ZFAND3: variants seen among roughly 807,000 people sequenced by gnomAD.
The protein encoded by ZFAND3 is zinc finger AN1-type containing 3.
A neutral mutation model predicts 29.6 loss-of-function variants in ZFAND3; 10 were observed. The observed-to-expected ratio is 0.34, with a 90% CI of 0.21 to 0.57. ZFAND3 has a LOEUF of 0.57. Ranked by LOEUF, ZFAND3 falls within the 20% of genes least tolerant of loss-of-function variation. The probability of loss-of-function intolerance (pLI) is 0.86; values close to 1 mark genes in which losing one functional copy is unlikely to be tolerated. For synonymous variants in ZFAND3, 128 were observed against 112.6 expected (o/e 1.14, Z -0.87); for missense variants, 230 against 304.5 (o/e 0.76, Z 1.82).
intron 1 of ZFAND3, among the ~76,000 whole-genome samples, chr6:37,840,874 A>G (rs1764060562): frequency 6.6e-6 from 1 of 152,260 alleles, no homozygotes; most frequent in Non-Finnish European, 1.5e-5. Context: ...CAAACAGAAA[A>G]GAGAACATTT....
chr6:38,122,171 A>G (rs1052688261), intron 5 of ZFAND3, among the ~76,000 whole-genome samples: 4 of 152,196 alleles, frequency 2.6e-5, no homozygotes, highest in Non-Finnish European at 5.9e-5. Context: ...AATCGGCTCC[A>G]GAGCCTCCCA....
chr6:38,132,600 C>G (rs1382095477), intron 5 of ZFAND3, among the ~76,000 whole-genome samples: 1 of 152,178 alleles, frequency 6.6e-6, no homozygotes. Context: ...ACTTGCGATT[C>G]CTTGACATAT....
At chr6:37,844,732 C>T (rs76126559) in intron 1 of ZFAND3, among the ~76,000 whole-genome samples, 301 of 149,628 alleles carry the variant, frequency 2.0e-3, no homozygotes, top group African/African-American at 3.9e-3. Flanking sequence ...AAGCAATTAT[C>T]GGCTGGGCGC....
chr6:37,879,733 G>T (rs941110011), intron 1 of ZFAND3, among the ~76,000 whole-genome samples: 1 of 152,158 alleles, frequency 6.6e-6, no homozygotes, highest in African/African-American at 2.4e-5. Context: ...TATCCTGCCT[G>T]TTATAGAACT....
chr6:37,925,156 A>C (rs993024132), intron 1 of ZFAND3, among the ~76,000 whole-genome samples: 2 of 152,176 alleles, frequency 1.3e-5, no homozygotes, highest in African/African-American at 4.8e-5. Context: ...GTTAAGCAAG[A>C]AAATAACACG....
chr6:38,014,390 G>C (rs539252032), intron 2 of ZFAND3, among the ~76,000 whole-genome samples: 7 of 151,836 alleles, frequency 4.6e-5, no homozygotes, highest in African/African-American at 1.7e-4. Flanking sequence ...GCCGTGGCGC[G>C]ATCTTGGCTC....
chr6:38,068,930 A>G lies in ZFAND3; in HGVS notation c.295+7155A>G, dbSNP rs139640384. On this transcript the variant is annotated intron_variant, in intron 3 of 5. Coordinates refer to ENST00000287218, the MANE Select transcript of ZFAND3 (RefSeq NM_021943.3). ...TTTCCTTGGAAACTGGTTTCTGGTG[A>G]TATCGTAGCTCCCTCAGGGATATTT... is the stretch of plus-strand genomic sequence containing the variant. 3.9e-3 allele frequency among the ~76,000 whole-genome samples: 596 copies of G among 152,300 alleles called. 5 individuals are homozygous for G. Among genetic ancestry groups the G allele is most frequent in the African/African-American group, 0.014 (576 of 41,564 alleles).
intron 2 of ZFAND3, among the ~76,000 whole-genome samples, chr6:38,045,036 C>A (rs1399961835): frequency 6.7e-6 from 1 of 149,898 alleles, no homozygotes; most frequent in Non-Finnish European, 1.5e-5. Flanking sequence ...TAGCTGTCAT[C>A]TCCCCATGTG....
chr6:37,873,814 A>G (rs1487968800), intron 1 of ZFAND3, among the ~76,000 whole-genome samples: 2 of 152,244 alleles, frequency 1.3e-5, no homozygotes, highest in East Asian at 3.8e-4. Context: ...CTACATTGTG[A>G]ACACAAAAGC....
At chr6:37,889,423 C>G (rs1765055480) in intron 1 of ZFAND3, among the ~76,000 whole-genome samples, 1 of 152,154 alleles carries the variant, frequency 6.6e-6, no homozygotes, top group South Asian at 2.1e-4. Context: ...TGATTTCTCC[C>G]CTGGCACTGT....
At chr6:38,024,618 G>A (rs1327141396) in intron 2 of ZFAND3, among the ~76,000 whole-genome samples, 1 of 152,168 alleles carries the variant, frequency 6.6e-6, no homozygotes, top group Non-Finnish European at 1.5e-5. Flanking sequence ...ATATTACTCT[G>A]CCATGAAAAG....
chr6:38,114,587 T>C (rs569198366), intron 4 of ZFAND3, among the ~76,000 whole-genome samples: 3 of 152,360 alleles, frequency 2.0e-5, no homozygotes, highest in Non-Finnish European at 4.4e-5. Flanking sequence ...TTGCTAAGAA[T>C]GGTGCAGGGC....
intron 1 of ZFAND3, among the ~76,000 whole-genome samples, chr6:37,821,130 T>G (rs1392354408): frequency 6.6e-6 from 1 of 152,254 alleles, no homozygotes; most frequent in African/African-American, 2.4e-5. Flanking sequence ...GGAAGTAGTT[T>G]TCCCTTTGCT....
intron 1 of ZFAND3, among the ~76,000 whole-genome samples, chr6:37,925,952 G>C (rs1761477220): frequency 6.6e-6 from 1 of 152,188 alleles, no homozygotes; most frequent in Non-Finnish European, 1.5e-5. Context: ...TATAGATACA[G>C]TATTTTAAAA....
intron 2 of ZFAND3, among the ~76,000 whole-genome samples, chr6:38,031,477 A>C (rs1376373363): frequency 1.7e-4 from 26 of 152,294 alleles, no homozygotes; most frequent in Non-Finnish European, 7.4e-5. Flanking sequence ...TAGCATGTTC[A>C]GTCCTGTCCT....
chr6:37,850,036 G>GTT (rs1764254333), intron 1 of ZFAND3, among the ~76,000 whole-genome samples: 1 of 152,204 alleles, frequency 6.6e-6, no homozygotes, highest in Non-Finnish European at 1.5e-5. Context: ...TCAACAGCAA[G>GTT]TTGAGCAGTG....
intron 2 of ZFAND3, among the ~76,000 whole-genome samples, chr6:37,999,506 C>T (rs1341638931): frequency 6.6e-6 from 1 of 152,164 alleles, no homozygotes; most frequent in Non-Finnish European, 1.5e-5. Flanking sequence ...TCAAGATTAA[C>T]ATCAGCAGTG....
intron 1 of ZFAND3, among the ~76,000 whole-genome samples, chr6:37,844,989 A>C (rs1242075522): frequency 1.3e-5 from 2 of 149,138 alleles, no homozygotes; most frequent in South Asian, 4.2e-4. Flanking sequence ...ACGCTACTGC[A>C]CTCCAGCCTG....
chr6:37,899,991 A>T (rs752606720), intron 1 of ZFAND3, among the ~76,000 whole-genome samples: 6 of 152,174 alleles, frequency 3.9e-5, no homozygotes, highest in Non-Finnish European at 5.9e-5. Flanking sequence ...ATAACAGTGT[A>T]TGTAGAATTA....
Sources: allele counts gnomAD v4.1 joint callset (sites outside exome capture counted in the v4.1 genomes callset), GRCh38; gene constraint gnomAD v4.1.1; transcripts MANE v1.5; gene names NCBI Gene and HGNC (gene_info 2026-07-23, HGNC 2026-07-21).